Variants in TEX48 observed in about 807,000 individuals in gnomAD.
TEX48 encodes testis-expressed protein 48.
Under a neutral mutation model 13.2 loss-of-function variants are expected in TEX48, and 10 were observed. The ratio of observed to expected loss-of-function variants is 0.75; its 90% confidence interval spans 0.47 to 1.28. The LOEUF (loss-of-function observed/expected upper bound fraction) is 1.28, where lower values mean the gene tolerates loss of function less well. Among genes scored for constraint, TEX48 ranks in the 50% most tolerant of loss-of-function variants. The pLI, the probability that TEX48 is intolerant of heterozygous loss-of-function variation, is 0.00. For missense variants in TEX48, 116 were observed against 139.4 expected, an observed-to-expected ratio of 0.83 and a Z score of 0.84; for synonymous variants, 45 against 52.3, an observed-to-expected ratio of 0.86 and a Z score of 0.60.
At chr9:114,673,941 G>T (rs144035819) in intron 1 of TEX48, among the ~76,000 whole-genome samples, 3,134 of 151,976 alleles carry the variant, frequency 0.021, 52 homozygotes, top group Admixed American at 0.035. Flanking sequence ...CAGTAGCTGG[G>T]ACTACAGGTG....
rs1223980673 is a variant in TEX48 at position 114,666,733 on chromosome 9, A to G, written c.273T>C (p.Tyr91=). 5.2e-6 allele frequency: 8 copies of G among 1,526,214 alleles called. No individual in the cohort carries two copies. In the African/African-American group the frequency reaches 9.6e-5, roughly 18 times the overall value. 94.5% of individuals were successfully genotyped at this position (1,526,214 alleles called of 1,614,324 possible). A position where few individuals can be genotyped will look rare whatever the true frequency, so the allele number is the denominator to read the frequency against. The stretch of plus-strand genomic sequence containing the variant: ...TCTTGTAAAAATTTCTTTGGGAAGC[A>G]TATGCATTCAGATCTGAAAGAAGAA... ...SSSEFEDLNA[Y]ASQRNFYKRN... Residue 91 remains tyrosine (Y), a synonymous_variant, in exon 5 of 5, where the codon TAT becomes TAC. Coordinates refer to ENST00000436752, the MANE Select transcript of TEX48 (RefSeq NM_001199233.2).
intron 4 of TEX48, 105 bp downstream of exon 4, chr9:114,668,101 C>T (rs11793018): frequency 0.094 from 129,688 of 1,386,354 alleles, 6,670 homozygotes; most frequent in Non-Finnish European, 0.1. Context: ...GCAATTCCAT[C>T]TCCCCATCTC....
intron 1 of TEX48, among the ~76,000 whole-genome samples, chr9:114,674,613 CCT>C (rs1828021299): frequency 2.0e-5 from 1 of 49,902 alleles, no homozygotes; most frequent in African/African-American, 9.7e-5. Flanking sequence ...TTCCTTCCTT[CCT>C]TCCTTCCTTC....
chr9:114,677,566 G>A (rs1229875275), intron 1 of TEX48, among the ~76,000 whole-genome samples: 1 of 152,124 alleles, frequency 6.6e-6, no homozygotes, highest in Non-Finnish European at 1.5e-5. Context: ...TATGTTGAAT[G>A]TAGAAGGATG....
chr9:114,671,602 C>T lies in TEX48; in HGVS notation c.5-97G>A. On this transcript the variant is annotated intron_variant, in intron 2 of 4. Coordinates refer to ENST00000436752, the MANE Select transcript of TEX48 (RefSeq NM_001199233.2). ...GTGGTGGGGGTATCATTGGGTCAGCCTCTCCCAAGGCATTAATATAATACT... is the reference window on the plus strand; with the variant it reads ...GTGGTGGGGGTATCATTGGGTCAGCTTCTCCCAAGGCATTAATATAATACT... The T allele has an allele frequency of 2.0e-6, 3 of 1,525,618 alleles. No homozygotes were observed. In the South Asian group the frequency reaches 3.6e-5, roughly 18 times the overall value. The allele number at this position is 1,525,618 out of a possible 1,614,324, so 94.5% of individuals were successfully genotyped here. A position where few individuals can be genotyped will look rare whatever the true frequency, so the allele number is the denominator to read the frequency against.
At chr9:114,672,661 T>TC (rs1249653636) in intron 1 of TEX48, among the ~76,000 whole-genome samples, 5 of 152,214 alleles carry the variant, frequency 3.3e-5, no homozygotes, top group African/African-American at 4.8e-5. Context: ...TCCTGACTGG[T>TC]CTCCTTATTT....
intron 1 of TEX48, among the ~76,000 whole-genome samples, chr9:114,679,975 A>G (rs1255166616): frequency 1.3e-5 from 2 of 152,140 alleles, no homozygotes; most frequent in African/African-American, 4.8e-5. Flanking sequence ...CTGGATTAAT[A>G]TCACAGGTGA....
chr9:114,670,343 T>C (rs1382360963), intron 3 of TEX48, among the ~76,000 whole-genome samples: 1 of 152,188 alleles, frequency 6.6e-6, no homozygotes, highest in Non-Finnish European at 1.5e-5. Flanking sequence ...GGAAAGTATT[T>C]TAAAGACCCT....
At chr9:114,680,118 TC>T (rs11346415) in intron 1 of TEX48, among the ~76,000 whole-genome samples, 42,642 of 107,008 alleles carry the variant, frequency 0.4, 9,811 homozygotes, top group Admixed American at 0.49. Flanking sequence ...ATTGTCATTG[TC>T]CCTTTTTTTT....
chr9:114,672,518 C>T (rs1336167779), intron 1 of TEX48, among the ~76,000 whole-genome samples: 3 of 152,158 alleles, frequency 2.0e-5, no homozygotes, highest in Non-Finnish European at 4.4e-5. Context: ...ATTGTTTAGG[C>T]GTCCCTCACA....
At chr9:114,678,298 C>T (rs141068028) in intron 1 of TEX48, among the ~76,000 whole-genome samples, 2 of 152,216 alleles carry the variant, frequency 1.3e-5, no homozygotes, top group African/African-American at 2.4e-5. Context: ...CCTGGCTGCC[C>T]AAATAAACTT....
chr9:114,676,144 T>C (rs1828057513), intron 1 of TEX48, among the ~76,000 whole-genome samples: 1 of 152,128 alleles, frequency 6.6e-6, no homozygotes. Context: ...GTTCATGAGC[T>C]TTTTCCTTTT....
chr9:114,676,759 G>A (rs1194309506), intron 1 of TEX48, among the ~76,000 whole-genome samples: 1 of 152,066 alleles, frequency 6.6e-6, no homozygotes, highest in Non-Finnish European at 1.5e-5. Context: ...TGGGACTACA[G>A]GCACCTGCCA....
intron 1 of TEX48, among the ~76,000 whole-genome samples, chr9:114,674,644 TCC>T (rs1828025151): frequency 7.4e-6 from 1 of 134,968 alleles, no homozygotes; most frequent in African/African-American, 3.0e-5. Flanking sequence ...CTTCCTTCCT[TCC>T]TTCCTTCCTT....
intron 3 of TEX48, among the ~76,000 whole-genome samples, chr9:114,668,901 A>G (rs1163510463): frequency 6.6e-6 from 1 of 152,040 alleles, no homozygotes; most frequent in Non-Finnish European, 1.5e-5. Flanking sequence ...CAATGGTGTG[A>G]TCATAGCTCC....
chr9:114,670,483 A>G (rs1047537283), intron 3 of TEX48, among the ~76,000 whole-genome samples: 2 of 138,662 alleles, frequency 1.4e-5, no homozygotes, highest in Non-Finnish European at 3.2e-5. Context: ...GATTTTGACA[A>G]TAGTGCTTCT....
chr9:114,680,767 A>T (rs540853364), intron 1 of TEX48, among the ~76,000 whole-genome samples: 64 of 152,318 alleles, frequency 4.2e-4, no homozygotes, highest in African/African-American at 1.5e-3. Flanking sequence ...CACGGTAACA[A>T]CGAATCCCCA....
chr9:114,674,288 A>G (rs1828009162), intron 1 of TEX48, among the ~76,000 whole-genome samples: 1 of 151,788 alleles, frequency 6.6e-6, no homozygotes, highest in South Asian at 2.1e-4. Flanking sequence ...CCCCAATTCC[A>G]TTTGCCCCCC....
At chr9:114,679,701 C>T (rs1345084971) in intron 1 of TEX48, among the ~76,000 whole-genome samples, 4 of 152,174 alleles carry the variant, frequency 2.6e-5, no homozygotes, top group African/African-American at 9.7e-5. Flanking sequence ...TGTCTTCTTA[C>T]ACAGAGTCTG....
Sources: gnomAD v4.1 joint callset for allele counts (sites outside exome capture counted in the v4.1 genomes callset) on GRCh38, gnomAD v4.1.1 for gene constraint, MANE v1.5 for transcripts, NCBI Gene and HGNC (gene_info 2026-07-23, HGNC 2026-07-21) for gene names.